E4F1: variants seen among roughly 807,000 people sequenced by gnomAD.
E4F1 encodes transcription factor E4F1.
In E4F1, 30 loss-of-function variants were observed where a neutral mutation model predicts 72.9. The observed-to-expected ratio is 0.41, with a 90% CI of 0.31 to 0.56. E4F1 has a LOEUF of 0.56. Among genes scored for constraint, E4F1 ranks in the 20% least tolerant of loss-of-function variants. The pLI is 0.25. For synonymous variants in E4F1, 542 were observed against 478.2 expected (o/e 1.13, Z -1.74); for missense variants, 1,091 against 1,117.5 (o/e 0.98, Z 0.34).
chr16:2,231,976 C>T (rs2093470227), intron 3 of E4F1, 195 bp from the exon 4 acceptor site: 1 of 656,806 alleles, frequency 1.5e-6, no homozygotes, highest in East Asian at 2.8e-5. Context: ...CGGGAGGTGT[C>T]TCTCCACCTC....
At chr16:2,228,665 G>A (rs763064106) in intron 2 of E4F1, 142 bp downstream of exon 2, 1 of 1,115,344 alleles carries the variant, frequency 9.0e-7, no homozygotes, top group Middle Eastern at 3.0e-4. Context: ...TGCGGTGTGG[G>A]AGGGTCCGGG....
In E4F1 at chr16:2,232,535, G is replaced by A. The variant is rs990184407; in HGVS notation, c.689G>A (p.Arg230His). 6.8e-6 allele frequency: 11 copies of A among 1,612,054 alleles called. No homozygotes were observed. The highest frequency in any genetic ancestry group is 2.7e-5 in the African/African-American group (2 of 74,912). ...TGCAAGCTCTGTGGGGCCTCCTTCC[G>A]CACCAAGGGCTCACTCATCCGGCAC... The part of the protein sequence containing the change: ...HECKLCGASF[R>H]TKGSLIRHHR... The change falls in exon 5 of 14, where the codon CGC (arginine) becomes CAC (histidine). Residue 230 changes from arginine (R) to histidine (H), a missense_variant. By Grantham distance (29) the Arg-to-His change is conservative (BLOSUM62 0). This residue lies in a region of E4F1 where 362 missense variants were observed against 358.6 expected (regional missense o/e 1.01). Transcript: ENST00000301727.
rs1183991337 is a variant in E4F1 at position 2,232,054 on chromosome 16, GC to G, written c.416-116del. 9.1e-6 allele frequency: 12 copies of G among 1,320,944 alleles called. No homozygotes were observed. The Admixed American group carries it at 2.3e-4, about 26-fold the overall frequency. The allele number at this position is 1,320,944 out of a possible 1,614,324, so 81.8% of individuals were successfully genotyped here. ...CGGACCTGTGTGTTGAGGGCTCAGTGCAGGTTGGGTCCAGGGTGTGGCTCAG... is the reference window on the plus strand; with the variant it reads ...CGGACCTGTGTGTTGAGGGCTCAGTGAGGTTGGGTCCAGGGTGTGGCTCAG... On this transcript the variant is annotated intron_variant, in intron 3 of 13. Coordinates refer to ENST00000301727, the MANE Select transcript of E4F1 (RefSeq NM_004424.5).
rs1394040137 is a variant in E4F1 at position 2,233,431 on chromosome 16, C to G, written c.1057-7C>G. The G allele has an allele frequency of 4.0e-6, 6 of 1,509,310 alleles. No individual in the cohort carries two copies. Among genetic ancestry groups the G allele is most frequent in the African/African-American group, 1.4e-5 (1 of 71,812 alleles). The allele number at this position is 1,509,310 out of a possible 1,614,324, so 93.5% of individuals were successfully genotyped here. On this transcript the variant is annotated splice_region_variant and splice_polypyrimidine_tract_variant and intron_variant, in intron 7 of 13. Transcript: ENST00000301727. ...TGGCCAGCCTCCTCTCTCTGCCTCC[C>G]CTGCAGCCCCCCGTCTCCCAGGAGC...
intron 3 of E4F1, 169 bp downstream of exon 3, chr16:2,229,844 C>G: frequency 1.5e-6 from 1 of 671,152 alleles, no homozygotes; most frequent in Non-Finnish European, 2.6e-6. Context: ...GAGGAGGAAG[C>G]GTTGGGCACT....
chr16:2,229,280 G>C (rs2093451359), intron 2 of E4F1, among the ~76,000 whole-genome samples: 1 of 152,258 alleles, frequency 6.6e-6, no homozygotes. Context: ...TGCCAGAGTT[G>C]CTGCTCCCTC....
intron 1 of E4F1, chr16:2,224,024 CG>C: frequency 7.2e-7 from 1 of 1,382,840 alleles, no homozygotes; most frequent in Non-Finnish European, 9.5e-7. Context: ...GCTGAGCCCC[CG>C]GGCGCCCGGT....
intron 1 of E4F1, chr16:2,224,058 G>A (rs2093416031): frequency 8.8e-7 from 1 of 1,130,358 alleles, no homozygotes; most frequent in Non-Finnish European, 1.2e-6. Context: ...AGACGCCGGC[G>A]TCCCGGCCCT....
intron 1 of E4F1, among the ~76,000 whole-genome samples, chr16:2,224,705 C>T (rs984817788): frequency 1.3e-5 from 2 of 151,868 alleles, no homozygotes; most frequent in African/African-American, 4.8e-5. Flanking sequence ...ATGGCGTGAA[C>T]TCGGGAGGTG....
In E4F1 at chr16:2,234,501, C is replaced by T. The variant is rs923149218; in HGVS notation, c.1594-82C>T. 1.4e-5 allele frequency: 22 copies of T among 1,559,686 alleles called. No homozygotes were observed. The East Asian group carries it at 4.7e-4, about 34-fold the overall frequency. ...ACCATGCTCAGTCTTGACCCAGCCC[C>T]TCCCTTGGGCCACAGGCGGGAGGGG... On this transcript the variant is annotated intron_variant, in intron 10 of 13. Transcript: ENST00000301727.
rs2093495610 is a variant in E4F1 at position 2,234,852 on chromosome 16, C to T, written c.1793-7C>T. On this transcript the variant is annotated splice_polypyrimidine_tract_variant and splice_region_variant and intron_variant, in intron 11 of 13. Coordinates refer to ENST00000301727, the MANE Select transcript of E4F1 (RefSeq NM_004424.5). ...TTGCCTAGCCCTGACCGAGTCCCCACCCACAGGGGGCTGCCTGCTGGAGGT... is the reference window on the plus strand; with the variant it reads ...TTGCCTAGCCCTGACCGAGTCCCCATCCACAGGGGGCTGCCTGCTGGAGGT... 1 of 1,549,118 alleles carries T rather than the reference C, an allele frequency of 6.5e-7. No homozygotes were observed. Among genetic ancestry groups the T allele is most frequent in the South Asian group, 1.2e-5 (1 of 84,020 alleles).
At position 2,223,771 on chromosome 16, in the gene E4F1, G is replaced by T. The variant is rs1596748159; in HGVS notation, c.157+1G>T. 6.5e-7 allele frequency: 1 copy of T among 1,537,268 alleles called. No individual in the cohort carries two copies. The highest frequency in any genetic ancestry group is 8.7e-7 in the Non-Finnish European group (1 of 1,152,308). ...CTCCCGGCGCCCTTCAGCGAGGAAG[G>T]TAACCGGGCCGACCCGGAGGGTGCG... On this transcript the variant is annotated splice_donor_variant, in intron 1 of 13. Transcript: ENST00000301727. LOFTEE classifies it high-confidence loss of function.
At chr16:2,233,767 C>G (rs1028653296) in intron 8 of E4F1, 115 bp from the exon 9 acceptor site, 10 of 1,422,978 alleles carry the variant, frequency 7.0e-6, no homozygotes, top group Middle Eastern at 4.6e-4. Flanking sequence ...GATCTGTTTA[C>G]TGCCTTCCCT....
In E4F1 at chr16:2,235,116, G is replaced by A. The variant is rs756596489; in HGVS notation, c.1971G>A (p.Thr657=). 1.2e-5 allele frequency: 20 copies of A among 1,612,276 alleles called. No individual in the cohort carries two copies. The East Asian group carries it at 1.3e-4, about 11-fold the overall frequency. The change falls in exon 13 of 14, where the codon ACG becomes ACA. Residue 657 remains threonine (T), a synonymous_variant. Coordinates refer to ENST00000301727, the MANE Select transcript of E4F1 (RefSeq NM_004424.5). ...ACGATGCGGAGACCAGTGAGGCCAC[G>A]GAGATCATCGAGGGCACCCAGACAG... is the stretch of plus-strand genomic sequence containing the variant. ...TADDAETSEA[T]EIIEGTQTEV... is the part of the protein sequence containing the mutation.
intron 1 of E4F1, among the ~76,000 whole-genome samples, chr16:2,226,939 T>A (rs2093436025): frequency 6.6e-6 from 1 of 152,254 alleles, no homozygotes; most frequent in African/African-American, 2.4e-5. Context: ...CCAGAGCCAG[T>A]GGGCATCAGT....
intron 1 of E4F1, among the ~76,000 whole-genome samples, chr16:2,224,372 G>A (rs373383344): frequency 6.6e-6 from 1 of 152,374 alleles, no homozygotes; most frequent in South Asian, 2.1e-4. Flanking sequence ...GGCGGCTTCT[G>A]CCAGTAATGT....
intron 8 of E4F1, 71 bp downstream of exon 8, chr16:2,233,718 G>A (rs1264703851): frequency 5.4e-6 from 8 of 1,488,184 alleles, no homozygotes; most frequent in Middle Eastern, 2.3e-4. Context: ...GCTGGCCTTC[G>A]CCTCCCTGAA....
rs753648277 is a variant in E4F1 at position 2,233,943 on chromosome 16, C to G, written c.1328C>G (p.Thr443Ser). ...CACCCATGTCCTCAGTGCAGTGAGA[C>G]CTTCCCGACAGCAGCCACCCTGGAG... The part of the protein sequence containing the change: ...RTHPCPQCSE[T>S]FPTAATLEAH... Residue 443 changes from threonine to serine, a missense_variant, in exon 9 of 14, where the codon ACC becomes AGC. By Grantham distance (58) the Thr-to-Ser change is moderately conservative (BLOSUM62 1). Transcript: ENST00000301727. 1 of 1,603,194 alleles carries G rather than the reference C, an allele frequency of 6.2e-7. No homozygotes were observed. The highest frequency in any genetic ancestry group is 8.5e-7 in the Non-Finnish European group (1 of 1,175,324).
intron 1 of E4F1, chr16:2,224,070 C>T: frequency 9.7e-7 from 1 of 1,031,236 alleles, no homozygotes; most frequent in Admixed American, 3.2e-5. Flanking sequence ...CCCGGCCCTT[C>T]TCTGCCTCCG....
Sources: gnomAD v4.1 joint callset for allele counts (sites outside exome capture counted in the v4.1 genomes callset) on GRCh38, gnomAD v4.1.1 for gene constraint, gnomAD v4.1.1 regional missense constraint, MANE v1.5 for transcripts, NCBI Gene and HGNC (gene_info 2026-07-23, HGNC 2026-07-21) for gene names.